The following FBRSL1 variants were observed in gnomAD, a reference collection of about 807,000 sequenced individuals.
The protein encoded by FBRSL1 is fibrosin like 1.
FBRSL1 carries 51 observed loss-of-function variants against 89.6 expected under a neutral mutation model. The observed-to-expected ratio is 0.57, with a 90% CI of 0.45 to 0.72. The LOEUF (loss-of-function observed/expected upper bound fraction) is 0.72, where lower values mean the gene tolerates loss of function less well. FBRSL1 is among the 30% of genes least tolerant of loss of function. The pLI, the probability that FBRSL1 is intolerant of heterozygous loss-of-function variation, is 0.00. For missense variants in FBRSL1, 1,618 were observed against 1,451.8 expected (o/e 1.11, Z -1.86); for synonymous variants, 779 against 681.1 (o/e 1.14, Z -2.24).
chr12:132,553,795 G>A (rs1365847955), intron 5 of FBRSL1: 3 of 152,202 alleles, frequency 2.0e-5, no homozygotes, highest in East Asian at 1.9e-4. Context: ...GTAACAAGTC[G>A]CCGTAAACAC....
In FBRSL1 at chr12:132,582,238, C is replaced by A. The variant is rs1354442677; in HGVS notation, c.2173C>A (p.Pro725Thr). ...VSALTNHDRE[P>T]DNGKEEQERD... ...AGCCCTGACCAACCATGACCGAGAG[C>A]CGGACAATGGCAAGGAGGAGCAGGA... The change falls in exon 18 of 19, where the codon CCG becomes ACG. Residue 725 changes from proline (P) to threonine (T), a missense_variant. Coordinates refer to ENST00000680143, the MANE Select transcript of FBRSL1 (RefSeq NM_001367871.1). 1.3e-6 allele frequency: 2 copies of A among 1,550,206 alleles called. No individual in the cohort carries two copies. Among genetic ancestry groups the A allele is most frequent in the Non-Finnish European group, 1.7e-6 (2 of 1,146,852 alleles).
At chr12:132,509,474 G>T (rs766030016) in intron 2 of FBRSL1, 1 of 1,239,838 alleles carries the variant, frequency 8.1e-7, no homozygotes, top group Non-Finnish European at 1.0e-6. Context: ...AGCTCTGCCA[G>T]CCCCAGCGGT....
intron 1 of FBRSL1, among the ~76,000 whole-genome samples, chr12:132,504,043 G>A (rs189960741): frequency 1.3e-5 from 2 of 152,234 alleles, no homozygotes; most frequent in Admixed American, 6.5e-5. Context: ...TTTGCCCAGG[G>A]GAACATGGTC....
intron 2 of FBRSL1, among the ~76,000 whole-genome samples, chr12:132,521,485 A>G (rs2035350460): frequency 6.6e-6 from 1 of 152,142 alleles, no homozygotes; most frequent in Non-Finnish European, 1.5e-5. Flanking sequence ...GCCCCTTCTC[A>G]GGGTTCTCCA....
At chr12:132,569,342 G>A (rs1322975499) in intron 6 of FBRSL1, among the ~76,000 whole-genome samples, 1 of 152,078 alleles carries the variant, frequency 6.6e-6, no homozygotes, top group Admixed American at 6.5e-5. Context: ...ACAGTAGGGG[G>A]AAGCCTCCCA....
In FBRSL1 at chr12:132,528,676, C is replaced by T. The variant is rs139474817; in HGVS notation, c.615+688C>T. ...TGTGCTGTGCCTCCCCGTGGGTGCA[C>T]GGGTGTGTTTCAGTGTGTGCCTGAG... On this transcript the variant is annotated intron_variant, in intron 4 of 18. Coordinates refer to ENST00000680143, the MANE Select transcript of FBRSL1 (RefSeq NM_001367871.1). Among the ~76,000 whole-genome samples, 273 of 151,970 alleles carry T rather than the reference C, an allele frequency of 1.8e-3. 1 individual carries two copies. The highest frequency in any genetic ancestry group is 5.9e-3 in the African/African-American group (243 of 41,432).
chr12:132,532,143 CTTTGGCCAG>C (rs1184030889), intron 4 of FBRSL1, among the ~76,000 whole-genome samples: 1 of 150,416 alleles, frequency 6.6e-6, no homozygotes, highest in Non-Finnish European at 1.5e-5. Flanking sequence ...CTGGAGGGGC[CTTTGGCCAG>C]CAGGAGCCAG....
intron 15 of FBRSL1, chr12:132,581,147 C>T (rs2138135706): frequency 1.0e-6 from 1 of 985,326 alleles, no homozygotes; most frequent in East Asian, 1.1e-4. Flanking sequence ...TGTCTCTGCC[C>T]AAGTTGCAGC....
At chr12:132,541,601 G>A (rs897138860) in intron 4 of FBRSL1, among the ~76,000 whole-genome samples, 2 of 152,216 alleles carry the variant, frequency 1.3e-5, no homozygotes, top group Admixed American at 6.5e-5. Context: ...GGACTGAGGC[G>A]GCCGAAAGGG....
At chr12:132,525,347 T>TAGGG (rs1284706853) in intron 2 of FBRSL1, among the ~76,000 whole-genome samples, 29 of 152,314 alleles carry the variant, frequency 1.9e-4, no homozygotes, top group Non-Finnish European at 2.9e-4. Context: ...AGGCCCTGCC[T>TAGGG]GTGGTCCCTA....
chr12:132,509,559 C>T, intron 2 of FBRSL1: 4 of 1,233,034 alleles, frequency 3.2e-6, no homozygotes, highest in Non-Finnish European at 4.0e-6. Context: ...CCTGCGGTCC[C>T]TGCTGACCCC....
intron 1 of FBRSL1, among the ~76,000 whole-genome samples, chr12:132,502,036 T>A (rs780438991): frequency 1.3e-5 from 2 of 152,200 alleles, no homozygotes; most frequent in Non-Finnish European, 2.9e-5. Flanking sequence ...GTACAGAGAG[T>A]GCATGGACGG....
In FBRSL1 at chr12:132,570,151, C is replaced by T. The variant is rs904692609; in HGVS notation, c.917C>T (p.Pro306Leu). ...ACCCCGCAGCCGCCACCCCCGCAGCCCCGCGGCCTGCTCCCGACACACGTG... is the reference window on the plus strand; with the variant it reads ...ACCCCGCAGCCGCCACCCCCGCAGCTCCGCGGCCTGCTCCCGACACACGTG... ...RHTPQPPPPQ[P>L]RGLLPTHVPA... Residue 306 changes from proline to leucine, a missense_variant, in exon 7 of 19, where the codon CCC becomes CTC. By Grantham distance (98) the Pro-to-Leu change is moderately conservative (BLOSUM62 -3). Coordinates refer to ENST00000680143, the MANE Select transcript of FBRSL1 (RefSeq NM_001367871.1). 1.3e-6 allele frequency: 2 copies of T among 1,491,278 alleles called. No homozygotes were observed. The highest frequency in any genetic ancestry group is 4.6e-5 in the Admixed American group (2 of 43,310). 92.4% of individuals were successfully genotyped at this position (1,491,278 alleles called of 1,614,324 possible). A position where few individuals can be genotyped will look rare whatever the true frequency, so the allele number is the denominator to read the frequency against.
At chr12:132,540,441 G>A (rs536696197) in intron 4 of FBRSL1, among the ~76,000 whole-genome samples, 65 of 149,436 alleles carry the variant, frequency 4.3e-4, no homozygotes, top group African/African-American at 1.3e-3. Context: ...AGCTGGTCCC[G>A]GCCACCTACC....
intron 4 of FBRSL1, among the ~76,000 whole-genome samples, chr12:132,530,741 G>T (rs181843847): frequency 0.068 from 8,846 of 130,064 alleles, 367 homozygotes; most frequent in Middle Eastern, 0.11. Context: ...GGTGGGGGGA[G>T]GGGGAAGGGG....
chr12:132,579,156 A>C (rs2040581477), intron 15 of FBRSL1, among the ~76,000 whole-genome samples: 2 of 151,940 alleles, frequency 1.3e-5, no homozygotes, highest in Non-Finnish European at 2.9e-5. Flanking sequence ...TGCCTCCTCC[A>C]TCTCCTTGGC....
intron 5 of FBRSL1, among the ~76,000 whole-genome samples, chr12:132,548,443 G>A (rs964515251): frequency 6.6e-6 from 1 of 152,174 alleles, no homozygotes; most frequent in Non-Finnish European, 1.5e-5. Context: ...CCCTAAACCC[G>A]GTGGACCCCA....
chr12:132,583,923 CG>C lies in FBRSL1; in HGVS notation c.*147del, dbSNP rs2040973702. On this transcript the variant is annotated 3_prime_UTR_variant, in exon 19 of 19. Coordinates refer to ENST00000680143, the MANE Select transcript of FBRSL1 (RefSeq NM_001367871.1). ...CCTGCGGAGGCGGGGACTTGGGTGT[CG>C]GCTTTTCTGAGGGTGATCTTTTGTT... The C allele has an allele frequency of 6.1e-6, 2 of 328,786 alleles. No homozygotes were observed. Among genetic ancestry groups the C allele is most frequent in the Admixed American group, 5.3e-5 (1 of 18,732 alleles). 20.4% of individuals were successfully genotyped at this position (328,786 alleles called of 1,614,324 possible).
At chr12:132,510,724 C>G in intron 2 of FBRSL1, 1 of 1,211,996 alleles carries the variant, frequency 8.3e-7, no homozygotes, top group Non-Finnish European at 1.0e-6. Context: ...CATGCTCCCT[C>G]TCCCCCCACT....
Sources: allele counts gnomAD v4.1 joint callset (sites outside exome capture counted in the v4.1 genomes callset), GRCh38; gene constraint gnomAD v4.1.1; transcripts MANE v1.5; gene names NCBI Gene and HGNC (gene_info 2026-07-23, HGNC 2026-07-21).